MYT1L: variants seen among roughly 807,000 people sequenced by gnomAD.
MYT1L encodes myelin transcription factor 1 like, also known as myelin transcription factor 1-like protein.
MYT1L carries 12 observed loss-of-function variants against 126.7 expected under a neutral mutation model. The observed-to-expected ratio is 0.09, with a 90% CI of 0.06 to 0.15. The LOEUF is 0.15. Ranked by LOEUF, MYT1L falls within the 10% of genes least tolerant of loss-of-function variation. MYT1L has a pLI of 1.00. For synonymous variants in MYT1L, 541 were observed against 604.2 expected, an observed-to-expected ratio of 0.90 and a Z score of 1.53; for missense variants, 979 against 1,585.2, an observed-to-expected ratio of 0.62 and a Z score of 6.49.
At chr2:2,240,888 C>A (rs1020162414) in intron 2 of MYT1L, among the ~76,000 whole-genome samples, 24 of 152,110 alleles carry the variant, frequency 1.6e-4, no homozygotes, top group African/African-American at 5.8e-4. Context: ...ATATGTAGGT[C>A]AAAAGTCATG....
At position 2,000,233 on chromosome 2, in the gene MYT1L, C is replaced by T. The variant is rs568824412; in HGVS notation, c.-157-2886G>A. Among the ~76,000 whole-genome samples, 13 of 151,496 alleles carry T rather than the reference C, an allele frequency of 8.6e-5. No homozygotes were observed. The South Asian group carries it at 2.3e-3, about 27-fold the overall frequency. On this transcript the variant is annotated intron_variant, in intron 4 of 24. Coordinates refer to ENST00000647738, the MANE Select transcript of MYT1L (RefSeq NM_001303052.2). ...CTGTCCCAGGGCAGGGGTTCGAGTC[C>T]GTCCTCCGAGCCTCTGCGGCCACAA...
chr2:1,862,879 T>G (rs1236344692), intron 18 of MYT1L, among the ~76,000 whole-genome samples: 4 of 149,660 alleles, frequency 2.7e-5, no homozygotes, highest in African/African-American at 9.9e-5. Flanking sequence ...GAGAGGTGAG[T>G]AGGGAAGATG....
At chr2:2,012,611 T>A (rs1306716677) in intron 4 of MYT1L, among the ~76,000 whole-genome samples, 1 of 152,240 alleles carries the variant, frequency 6.6e-6, no homozygotes. Flanking sequence ...AGGTCAACAA[T>A]GGTCCAAAAA....
intron 3 of MYT1L, among the ~76,000 whole-genome samples, chr2:2,133,252 A>T (rs2082618413): frequency 6.6e-6 from 1 of 152,184 alleles, no homozygotes; most frequent in Admixed American, 6.5e-5. Flanking sequence ...AAACCAAGAG[A>T]CTGCTCCTCC....
At chr2:2,307,111 C>T (rs1305063720) in intron 1 of MYT1L, among the ~76,000 whole-genome samples, 1 of 152,058 alleles carries the variant, frequency 6.6e-6, no homozygotes. Flanking sequence ...TAGTGTTTGG[C>T]CCAGTCCTCA....
intron 3 of MYT1L, among the ~76,000 whole-genome samples, chr2:2,149,321 ACAC>A (rs1355516704): frequency 6.6e-6 from 1 of 152,216 alleles, no homozygotes; most frequent in African/African-American, 2.4e-5. Flanking sequence ...GCATATATAA[ACAC>A]CAAGTGGGAA....
rs75992673 is a variant in MYT1L, at chr2:2,062,021, G to A, written c.-303-7898C>T. Among the ~76,000 whole-genome samples the A allele has an allele frequency of 1.8e-4, 28 of 152,268 alleles. No homozygotes were observed. In the East Asian group the frequency reaches 5.2e-3, roughly 28 times the overall value. On this transcript the variant is annotated intron_variant, in intron 3 of 24. Transcript: ENST00000647738. ...ATGCGTCTCTACCACAGGGGGCTGC[G>A]CGGTTTCCCATCATGAAGCACTGAA...
chr2:2,277,772 T>A (rs115803561), intron 2 of MYT1L, among the ~76,000 whole-genome samples: 2 of 152,162 alleles, frequency 1.3e-5, no homozygotes, highest in African/African-American at 4.8e-5. Context: ...TGGGGTTGTA[T>A]ACCCTTTGCA....
chr2:2,202,283 G>T (rs552605966), intron 2 of MYT1L, among the ~76,000 whole-genome samples: 2 of 152,284 alleles, frequency 1.3e-5, no homozygotes, highest in South Asian at 4.1e-4. Context: ...GAGCAGGACT[G>T]AAGGAAATAG....
At chr2:2,012,963 C>T (rs2063982966) in intron 4 of MYT1L, among the ~76,000 whole-genome samples, 2 of 152,126 alleles carry the variant, frequency 1.3e-5, no homozygotes, top group Non-Finnish European at 2.9e-5. Context: ...GTAAATTAAA[C>T]TTTACCGCAA....
chr2:2,264,952 C>T (rs1355963825), intron 2 of MYT1L, among the ~76,000 whole-genome samples: 5 of 151,758 alleles, frequency 3.3e-5, no homozygotes, highest in African/African-American at 1.2e-4. Flanking sequence ...TTGGAGGCAG[C>T]GAGACTTGGG....
chr2:2,031,335 A>T (rs918956058), intron 4 of MYT1L, among the ~76,000 whole-genome samples: 1 of 152,260 alleles, frequency 6.6e-6, no homozygotes, highest in South Asian at 2.1e-4. Flanking sequence ...GGGTTTTCCC[A>T]TGGTCAAACA....
chr2:2,217,685 C>A (rs1572552677), intron 2 of MYT1L, among the ~76,000 whole-genome samples: 2 of 79,662 alleles, frequency 2.5e-5, no homozygotes, highest in Non-Finnish European at 4.9e-5. Context: ...ACAACAACAA[C>A]AACAACAACA....
Position 1,840,927 on chromosome 2 carries a change from A to G in MYT1L, c.2775-84T>C, listed in dbSNP as rs1249105283. On this transcript the variant is annotated intron_variant, in intron 19 of 24. Coordinates refer to ENST00000647738, the MANE Select transcript of MYT1L (RefSeq NM_001303052.2). ...TTCTTTTTTTTTTTTTTTTTGAGAC[A>G]GAGTCTCACTCTGTCACCCAGGCTG... The G allele has an allele frequency of 1.1e-5, 10 of 881,260 alleles. No homozygotes were observed. The Admixed American group carries it at 1.8e-4, about 16-fold the overall frequency. The allele number at this position is 881,260 out of a possible 1,614,324, so 54.6% of individuals were successfully genotyped here.
chr2:1,873,322 A>C (rs547610909), intron 18 of MYT1L, among the ~76,000 whole-genome samples: 5 of 152,332 alleles, frequency 3.3e-5, no homozygotes, highest in Non-Finnish European at 7.3e-5. Flanking sequence ...ATCTTACTCC[A>C]TTTGATATCC....
Position 1,926,392 on chromosome 2 carries a change from T to C in MYT1L, c.506-3129A>G, listed in dbSNP as rs895278029. On this transcript the variant is annotated intron_variant, in intron 9 of 24. Coordinates refer to ENST00000647738, the MANE Select transcript of MYT1L (RefSeq NM_001303052.2). ...CCCTCCCTGGTTGTACACACTCCCT[T>C]CCAGGTATGCTTTTCTGAGGCTAAT... is the stretch of plus-strand genomic sequence containing the variant. 4.5e-4 allele frequency among the ~76,000 whole-genome samples: 68 copies of C among 152,150 alleles called. 2 individuals are homozygous for C. Among genetic ancestry groups the C allele is most frequent in the Non-Finnish European group, 1.0e-4 (7 of 68,032 alleles).
chr2:1,995,283 C>T (rs1417368380), intron 5 of MYT1L, among the ~76,000 whole-genome samples: 1 of 152,104 alleles, frequency 6.6e-6, no homozygotes, highest in East Asian at 1.9e-4. Flanking sequence ...CACAGGGCTC[C>T]ACACGTGTGA....
intron 18 of MYT1L, among the ~76,000 whole-genome samples, chr2:1,855,164 T>TA (rs1250989564): frequency 6.6e-6 from 1 of 152,088 alleles, no homozygotes; most frequent in Non-Finnish European, 1.5e-5. Context: ...ATCTCAACAT[T>TA]AAAAAAATAC....
intron 2 of MYT1L, among the ~76,000 whole-genome samples, chr2:2,215,189 C>T (rs1480837607): frequency 1.3e-5 from 2 of 151,994 alleles, no homozygotes; most frequent in Non-Finnish European, 2.9e-5. Context: ...GAAAGATGGT[C>T]GACTTAGAAT....
Sources: gnomAD v4.1 joint callset for allele counts (sites outside exome capture counted in the v4.1 genomes callset) on GRCh38, gnomAD v4.1.1 for gene constraint, MANE v1.5 for transcripts, NCBI Gene and HGNC (gene_info 2026-07-23, HGNC 2026-07-21) for gene names.